LBR: variants seen among roughly 807,000 people sequenced by gnomAD.
LBR encodes delta(14)-sterol reductase LBR.
In LBR, 28 loss-of-function variants were observed where a neutral mutation model predicts 74.3. That is an observed-to-expected ratio of 0.38 (90% CI 0.28 to 0.52). The LOEUF (loss-of-function observed/expected upper bound fraction) is 0.52. LBR is among the 20% of genes least tolerant of loss of function. The probability of loss-of-function intolerance (pLI) is 0.89; values close to 1 mark genes in which losing one functional copy is unlikely to be tolerated. For synonymous variants in LBR, 228 were observed against 269.3 expected (o/e 0.85, Z 1.50); for missense variants, 717 against 760.3 (o/e 0.94, Z 0.67).
chr1:225,415,972 G>A (rs2096116314), intron 6 of LBR, among the ~76,000 whole-genome samples: 1 of 152,114 alleles, frequency 6.6e-6, no homozygotes, highest in Admixed American at 6.5e-5. Context: ...AGAGGTCAAG[G>A]TGGGAGGATC....
intron 6 of LBR, among the ~76,000 whole-genome samples, chr1:225,416,102 G>A (rs568577604): frequency 1.3e-4 from 19 of 151,944 alleles, no homozygotes; most frequent in African/African-American, 3.4e-4. Flanking sequence ...CCAGCTACTC[G>A]GGAGGCTGAA....
In LBR at chr1:225,401,818, A is replaced by G. The variant is rs2096082514; in HGVS notation, c.*1485T>C. 1 of 152,288 alleles carries G rather than the reference A, an allele frequency of 6.6e-6. No individual in the cohort carries two copies. The highest frequency in any genetic ancestry group is 1.5e-5 in the Non-Finnish European group (1 of 68,058). The allele number at this position is 152,288 out of a possible 1,614,324, so 9.4% of individuals were successfully genotyped here. A position where few individuals can be genotyped will look rare whatever the true frequency, so the allele number is the denominator to read the frequency against. On this transcript the variant is annotated 3_prime_UTR_variant, in exon 14 of 14. Coordinates refer to ENST00000272163, the MANE Select transcript of LBR (RefSeq NM_002296.4). ...ACAATTTCACTAAAAGAATGTTTAA[A>G]GACTACCGGATGCTGGAGCAAACCA...
intron 13 of LBR, 129 bp downstream of exon 13, chr1:225,404,275 C>T (rs1002743459): frequency 6.3e-6 from 8 of 1,271,850 alleles, no homozygotes; most frequent in Non-Finnish European, 7.9e-6. Context: ...CAGAGGCCAA[C>T]CTCACAGTAG....
intron 8 of LBR, 57 bp from the exon 9 acceptor site, chr1:225,411,497 A>G: frequency 8.0e-7 from 1 of 1,250,610 alleles, no homozygotes; most frequent in Non-Finnish European, 1.2e-6. Flanking sequence ...AGGAGGCTTT[A>G]CAACGGCACT....
In LBR at chr1:225,415,330, A is replaced by G. The variant is rs1300378352; in HGVS notation, c.840T>C (p.Val280=). 3.8e-6 allele frequency: 6 copies of G among 1,584,126 alleles called. No homozygotes were observed. The highest frequency in any genetic ancestry group is 5.2e-6 in the Non-Finnish European group (6 of 1,156,012). Residue 280 remains valine, a splice_region_variant and synonymous_variant, in exon 7 of 14, where the codon GTT becomes GTC. Transcript: ENST00000272163. The part of the protein sequence containing the change: ...VLFYLLPIGK[V]VEGTPLIDGR... ...CATCAATAAGAGGCGTTCCTTCTAC[A>G]ACCTTAAAAGAAAAAAAATTTACAA...
At position 225,422,960 on chromosome 1, in the gene LBR, A is replaced by G. The variant is rs375952309; in HGVS notation, c.166-683T>C. Among the ~76,000 whole-genome samples, 23 of 152,364 alleles carry G rather than the reference A, an allele frequency of 1.5e-4. 1 individual carries two copies. The East Asian group carries it at 4.4e-3, about 29-fold the overall frequency. ...CATAAAGTTGTACTGGAACACTGCCATGTCTGCTCCCTTCCATACTGCCTG... is the reference window on the plus strand; with the variant it reads ...CATAAAGTTGTACTGGAACACTGCCGTGTCTGCTCCCTTCCATACTGCCTG... On this transcript the variant is annotated intron_variant, in intron 2 of 13. Coordinates refer to ENST00000272163, the MANE Select transcript of LBR (RefSeq NM_002296.4).
chr1:225,404,391 C>T lies in LBR; in HGVS notation c.1687+13G>A, dbSNP rs2096087139. On this transcript the variant is annotated intron_variant, in intron 13 of 13. Transcript: ENST00000272163. ...CTAAAAGGGTCAAACTAGCACTCTT[C>T]TGAAATGCTTACCACATGGGAGGGA... 1.2e-6 allele frequency: 2 copies of T among 1,613,716 alleles called. No homozygotes were observed. Among genetic ancestry groups the T allele is most frequent in the Admixed American group, 3.3e-5 (2 of 59,994 alleles).
At chr1:225,403,540 T>C (rs2150942455) in intron 13 of LBR, 77 bp from the exon 14 acceptor site, 1 of 1,218,414 alleles carries the variant, frequency 8.2e-7, no homozygotes, top group African/African-American at 1.5e-5. Context: ...TTCCCCCAAA[T>C]TCTCTAAAAA....
At chr1:225,404,330 C>G in intron 13 of LBR, 74 bp downstream of exon 13, 2 of 1,605,268 alleles carry the variant, frequency 1.2e-6, no homozygotes, top group Non-Finnish European at 8.5e-7. Context: ...CCACACTGTC[C>G]CACACAAAGG....
rs2096084668 is a variant in LBR, at chr1:225,403,245, G to GT, written c.*57dup. Reference sequence around the variant, plus strand: ...AAGAAAGTTTCGGATTTTTTTCCTTGTTTTTGCAAATGGCAGCTGGAATTG... The same window carrying GT: ...AAGAAAGTTTCGGATTTTTTTCCTTGTTTTTTGCAAATGGCAGCTGGAATTG... On this transcript the variant is annotated 3_prime_UTR_variant, in exon 14 of 14. Coordinates refer to ENST00000272163, the MANE Select transcript of LBR (RefSeq NM_002296.4). 1.3e-6 allele frequency: 2 copies of GT among 1,560,708 alleles called. No individual in the cohort carries two copies. Among genetic ancestry groups the GT allele is most frequent in the Non-Finnish European group, 1.8e-6 (2 of 1,132,372 alleles).
intron 11 of LBR, 61 bp downstream of exon 11, chr1:225,406,603 G>T: frequency 7.1e-7 from 1 of 1,408,906 alleles, no homozygotes; most frequent in Non-Finnish European, 9.9e-7. Context: ...AGACAGCAGG[G>T]CATAAAAGCC....
At position 225,404,470 on chromosome 1, in the gene LBR, C is replaced by G. The variant is rs749446927; in HGVS notation, c.1621G>C (p.Gly541Arg). 5.0e-6 allele frequency: 8 copies of G among 1,613,946 alleles called. No individual in the cohort carries two copies. In the East Asian group the frequency reaches 1.3e-4, roughly 27 times the overall value. Residue 541 changes from glycine to arginine, a missense_variant, in exon 13 of 14, where the codon GGC becomes CGC. Physicochemically the swap from Gly to Arg is moderately radical, Grantham distance 125. Transcript: ENST00000272163. Reference sequence around the variant, plus strand: ...AAGTAATTGGGGTGGCGAACAAAGCCCCACCATCCAGAAACTAGAAGATTT... The same window carrying G: ...AAGTAATTGGGGTGGCGAACAAAGCGCCACCATCCAGAAACTAGAAGATTT... ...GKNLLVSGWW[G>R]FVRHPNYLGD...
At chr1:225,426,711 G>A (rs1294989732) in intron 1 of LBR, among the ~76,000 whole-genome samples, 2 of 152,158 alleles carry the variant, frequency 1.3e-5, no homozygotes, top group East Asian at 3.9e-4. Context: ...TCACACCTGA[G>A]CCCCGGTAGC....
chr1:225,428,731 C>T (rs538054926), upstream of LBR: 2 of 152,286 alleles, frequency 1.3e-5, no homozygotes, highest in African/African-American at 2.4e-5. Context: ...TCGGTTGTTA[C>T]CCGAGATGCT....
chr1:225,421,497 T>C (rs1354268218), intron 3 of LBR, among the ~76,000 whole-genome samples: 10 of 152,222 alleles, frequency 6.6e-5, no homozygotes, highest in Admixed American at 6.5e-4. Flanking sequence ...TGTCTCAAAG[T>C]CTGTGTGCCT....
At position 225,403,454 on chromosome 1, in the gene LBR, T is replaced by C; in HGVS notation, c.1697A>G (p.His566Arg). 5 of 1,610,208 alleles carry C rather than the reference T, an allele frequency of 3.1e-6. No individual in the cohort carries two copies. The highest frequency in any genetic ancestry group is 4.3e-6 in the Non-Finnish European group (5 of 1,176,442). The stretch of plus-strand genomic sequence containing the variant: ...AATTATGTAGAAATAAGGCAGAATG[T>C]GGTTAAAACCTGTGGATAATAATAG... ...LAWSLPCGFN[H>R]ILPYFYIIYF... is the part of the protein sequence containing the mutation. The change falls in exon 14 of 14, where the codon CAC (histidine) becomes CGC (arginine). Residue 566 changes from histidine (H) to arginine (R), a missense_variant. By Grantham distance (29) the His-to-Arg change is conservative. Coordinates refer to ENST00000272163, the MANE Select transcript of LBR (RefSeq NM_002296.4).
intron 1 of LBR, among the ~76,000 whole-genome samples, chr1:225,425,809 G>C (rs1235282299): frequency 1.3e-5 from 2 of 152,030 alleles, no homozygotes; most frequent in African/African-American, 4.8e-5. Context: ...CTTCCTACAG[G>C]AAGATGCTCA....
At chr1:225,417,639 G>A (rs1223095144) in intron 6 of LBR, 1 of 215,974 alleles carries the variant, frequency 4.6e-6, no homozygotes, top group African/African-American at 2.3e-5. Flanking sequence ...AACCTCCACT[G>A]AGAGTCGGCT....
chr1:225,424,755 CCT>C (rs2096135910), intron 1 of LBR, among the ~76,000 whole-genome samples: 1 of 152,194 alleles, frequency 6.6e-6, no homozygotes, highest in Admixed American at 6.5e-5. Flanking sequence ...ACATTCTTTT[CCT>C]CTGATTCAAA....
Sources: allele counts gnomAD v4.1 joint callset (sites outside exome capture counted in the v4.1 genomes callset), GRCh38; gene constraint gnomAD v4.1.1; transcripts MANE v1.5; gene names NCBI Gene and HGNC (gene_info 2026-07-23, HGNC 2026-07-21).